Variants in TBL1X observed in about 807,000 individuals in gnomAD.
TBL1X encodes transducin beta like 1 X-linked.
TBL1X carries 10 observed loss-of-function variants against 50.7 expected under a neutral mutation model. The ratio of observed to expected loss-of-function variants is 0.20; its 90% CI spans 0.12 to 0.33. TBL1X has a LOEUF of 0.33. Among genes scored for constraint, TBL1X ranks in the 10% least tolerant of loss-of-function variants. The pLI, the probability that TBL1X is intolerant of heterozygous loss-of-function variation, is 1.00. For synonymous variants in TBL1X, 190 were observed against 214.7 expected (o/e 0.88, Z 1.01); for missense variants, 340 against 504.4 (o/e 0.67, Z 3.12).
intron 1 of TBL1X, among the ~76,000 whole-genome samples, chrX:9,471,171 A>T (rs1445574454): frequency 1.8e-5 from 2 of 112,696 alleles, no homozygotes; most frequent in East Asian, 5.5e-4. Flanking sequence ...GAATTCCTAC[A>T]TCTGTGTTTC....
At chrX:9,630,729 C>T (rs1460137438) in intron 2 of TBL1X, among the ~76,000 whole-genome samples, 2 of 111,528 alleles carry the variant, frequency 1.8e-5, no homozygotes, top group African/African-American at 6.5e-5. Context: ...GCGTGAGCTA[C>T]CACGCCCAGC....
At chrX:9,647,408 G>A (rs2146593927) in intron 3 of TBL1X, among the ~76,000 whole-genome samples, 1 of 111,883 alleles carries the variant, frequency 8.9e-6, no homozygotes, top group East Asian at 2.8e-4. Context: ...TGGTTATTTC[G>A]TTTTTGCGCA....
chrX:9,657,068 G>T (rs1372221712), intron 5 of TBL1X, among the ~76,000 whole-genome samples: 2 of 112,278 alleles, frequency 1.8e-5, no homozygotes, highest in Admixed American at 9.4e-5. Context: ...CTCCACTCTG[G>T]CTTTCTCCAC....
At chrX:9,574,270 G>C (rs1280416613) in intron 2 of TBL1X, among the ~76,000 whole-genome samples, 1 of 108,322 alleles carries the variant, frequency 9.2e-6, no homozygotes, top group Non-Finnish European at 1.9e-5. Flanking sequence ...GCAACATCCT[G>C]TCTCCACCAA....
At chrX:9,528,552 C>T (rs2082143791) in intron 2 of TBL1X, among the ~76,000 whole-genome samples, 1 of 110,111 alleles carries the variant, frequency 9.1e-6, no homozygotes, top group Middle Eastern at 4.2e-3. Flanking sequence ...CAGACGTCCC[C>T]AGCCTCTTTG....
chrX:9,639,446 G>A (rs777377404), intron 2 of TBL1X, among the ~76,000 whole-genome samples: 21 of 111,742 alleles, frequency 1.9e-4, no homozygotes, highest in Non-Finnish European at 3.8e-4. Flanking sequence ...TAGGAGGCAG[G>A]AATCATTCAC....
chrX:9,485,218 G>T (rs1435268894), intron 1 of TBL1X, among the ~76,000 whole-genome samples: 2 of 112,316 alleles, frequency 1.8e-5, no homozygotes, highest in African/African-American at 6.5e-5. Context: ...CTCAGCTGAT[G>T]CTGGTGCCAA....
intron 2 of TBL1X, among the ~76,000 whole-genome samples, chrX:9,522,214 C>T (rs2082110637): frequency 9.1e-6 from 1 of 110,098 alleles, no homozygotes; most frequent in Admixed American, 9.7e-5. Flanking sequence ...ATGGGGGTCT[C>T]GCCATGTTGC....
chrX:9,587,134 C>T (rs2082474171), intron 2 of TBL1X, among the ~76,000 whole-genome samples: 1 of 111,950 alleles, frequency 8.9e-6, no homozygotes, highest in South Asian at 3.7e-4. Context: ...CCGAAGGAGC[C>T]CTGGAGGCAC....
At chrX:9,628,649 A>G (rs1317382215) in intron 2 of TBL1X, among the ~76,000 whole-genome samples, 4 of 109,575 alleles carry the variant, frequency 3.7e-5, no homozygotes, top group Non-Finnish European at 7.6e-5. Context: ...CTGGATTCAA[A>G]TAATTATCCT....
chrX:9,472,023 GGGTCT>G (rs1016928730), intron 1 of TBL1X, among the ~76,000 whole-genome samples: 6 of 110,926 alleles, frequency 5.4e-5, no homozygotes, highest in African/African-American at 2.0e-4. Context: ...ACCTTCCTTC[GGGTCT>G]GTTGAAACTG....
chrX:9,497,608 A>T (rs1321527700), intron 1 of TBL1X, among the ~76,000 whole-genome samples: 1 of 110,045 alleles, frequency 9.1e-6, no homozygotes, highest in African/African-American at 3.3e-5. Flanking sequence ...AATCACAGAT[A>T]GTTGGTGGGC....
chrX:9,554,553 A>C (rs2082286154), intron 2 of TBL1X, among the ~76,000 whole-genome samples: 1 of 112,426 alleles, frequency 8.9e-6, no homozygotes, highest in Admixed American at 9.4e-5. Context: ...CATCAGAGGA[A>C]ATACACTTAC....
intron 1 of TBL1X, among the ~76,000 whole-genome samples, chrX:9,470,349 A>G (rs1249061214): frequency 8.9e-6 from 1 of 112,500 alleles, no homozygotes. Context: ...CTCCGCCCGC[A>G]AGTTCAAGCG....
At chrX:9,587,048 C>T (rs999876034) in intron 2 of TBL1X, among the ~76,000 whole-genome samples, 26 of 112,084 alleles carry the variant, frequency 2.3e-4, no homozygotes, top group African/African-American at 8.1e-4. Flanking sequence ...ATGCCTGGAG[C>T]CCGGCTGGGT....
At chrX:9,689,181 C>T (rs909947049) in intron 7 of TBL1X, among the ~76,000 whole-genome samples, 1 of 112,817 alleles carries the variant, frequency 8.9e-6, no homozygotes, top group Non-Finnish European at 1.9e-5. Context: ...TTGTTGCCCT[C>T]GGAGCAGCCA....
chrX:9,567,852 C>T (rs1177280596), intron 2 of TBL1X, among the ~76,000 whole-genome samples: 1 of 112,235 alleles, frequency 8.9e-6, no homozygotes, highest in Non-Finnish European at 1.9e-5. Flanking sequence ...ACTCAAGTGC[C>T]ACCTCCTCCA....
chrX:9,713,616 C>T (rs763451168), intron 16 of TBL1X, among the ~76,000 whole-genome samples: 201 of 109,020 alleles, frequency 1.8e-3, no homozygotes, highest in Non-Finnish European at 2.5e-3. Flanking sequence ...TTAGTACAAA[C>T]GGGGTCTCAC....
chrX:9,558,213 T>C (rs2082309353), intron 2 of TBL1X, among the ~76,000 whole-genome samples: 1 of 112,726 alleles, frequency 8.9e-6, no homozygotes, highest in Non-Finnish European at 1.9e-5. Flanking sequence ...GTGAAACTTT[T>C]TGACAATTAA....
Sources: gnomAD v4.1 joint callset for allele counts (sites outside exome capture counted in the v4.1 genomes callset) on GRCh38, gnomAD v4.1.1 for gene constraint, MANE v1.5 for transcripts, NCBI Gene and HGNC (gene_info 2026-07-23, HGNC 2026-07-21) for gene names.